Variants in ACTN3 observed in about 807,000 individuals in gnomAD.
ACTN3 encodes the protein actinin alpha 3, also known as alpha-actinin-3.
In ACTN3, 91 loss-of-function variants were observed where a neutral mutation model predicts 119.6. The ratio of observed to expected loss-of-function variants is 0.76; its 90% CI spans 0.64 to 0.91. The LOEUF (loss-of-function observed/expected upper bound fraction) is 0.91, where lower values mean the gene tolerates loss of function less well. Ranked by LOEUF, ACTN3 falls within the 40% of genes least tolerant of loss-of-function variation. The probability of loss-of-function intolerance (pLI) is 0.00; values close to 1 mark genes in which losing one functional copy is unlikely to be tolerated. For missense variants in ACTN3, 1,221 were observed against 1,215.1 expected, an observed-to-expected ratio of 1.00 and a Z score of -0.07; for synonymous variants, 456 against 478.8, an observed-to-expected ratio of 0.95 and a Z score of 0.62.
chr11:66,546,836 T>TA, upstream of ACTN3: 1 of 1,516,826 alleles, frequency 6.6e-7, no homozygotes, highest in Non-Finnish European at 8.8e-7. Flanking sequence ...TCCTCCCCCA[T>TA]ATTTAGTGCG....
chr11:66,556,069 C>T, intron 7 of ACTN3, 76 bp from the exon 8 acceptor site: 1 of 1,382,792 alleles, frequency 7.2e-7, no homozygotes, highest in East Asian at 2.4e-5. Flanking sequence ...TTCCAGCCCT[C>T]CCACCCAGAG....
chr11:66,552,878 T>TCA (rs1274418711), intron 3 of ACTN3, among the ~76,000 whole-genome samples: 7 of 71,980 alleles, frequency 9.7e-5, no homozygotes, highest in Non-Finnish European at 1.7e-4. Flanking sequence ...TCTCTCTCTC[T>TCA]CTCACACACA....
chr11:66,560,117 G>GC, intron 13 of ACTN3, 41 bp downstream of exon 13: 1 of 1,524,932 alleles, frequency 6.6e-7, no homozygotes, highest in Non-Finnish European at 8.9e-7. Context: ...GGGTAGGTGG[G>GC]TGAGGCCAGG....
At chr11:66,559,164 G>A (rs142228234) in intron 11 of ACTN3, 72 bp from the exon 12 acceptor site, 16 of 1,398,302 alleles carry the variant, frequency 1.1e-5, no homozygotes, top group Non-Finnish European at 1.5e-5. Flanking sequence ...GAGGCTTCAT[G>A]GTCACGCAGC....
Position 66,562,142 on chromosome 11 carries a change from C to T in ACTN3, c.2296C>T (p.Arg766Ter), listed in dbSNP as rs751068262. The T allele has an allele frequency of 1.1e-5, 17 of 1,614,012 alleles. No individual in the cohort carries two copies. The highest frequency in any genetic ancestry group is 1.4e-5 in the Non-Finnish European group (16 of 1,179,954). ...GAGCCAGGAGCAGCTCAACGAGTTC[C>T]GAGCATCCTTCAACCACTTTGACAG... ...GLSQEQLNEFRASFNHFDRKQ... is the reference protein window; with the variant it reads ...GLSQEQLNEF Residue 766 changes from arginine (R) to a stop codon, truncating the protein, a stop_gained, in exon 18 of 21, where the codon CGA becomes TGA. Coordinates refer to ENST00000513398, the MANE Select transcript of ACTN3 (RefSeq NM_001104.4). LOFTEE classifies it high-confidence loss of function.
intron 11 of ACTN3, among the ~76,000 whole-genome samples, chr11:66,558,602 G>A (rs1857657745): frequency 6.6e-6 from 1 of 151,932 alleles, no homozygotes; most frequent in South Asian, 2.1e-4. Flanking sequence ...TCCTGGACTC[G>A]AGTGATCCAC....
chr11:66,562,875 A>C lies in ACTN3; in HGVS notation c.2468A>C (p.Asp823Ala), dbSNP rs1285706604. 6.2e-7 allele frequency: 1 copy of C among 1,613,594 alleles called. No individual in the cohort carries two copies. The highest frequency in any genetic ancestry group is 1.3e-5 in the African/African-American group (1 of 74,844). ...AGVVTFQAFI[D>A]FMTRETAETD... ...GTGGTGACCTTCCAGGCCTTCATAG[A>C]CTTCATGACCCGAGAGACAGCCGAG... The change falls in exon 20 of 21, where the codon GAC becomes GCC. Residue 823 changes from aspartate (D) to alanine (A), a missense_variant. This residue lies in a region of ACTN3 where 934 missense variants were observed against 899.9 expected (regional missense o/e 1.04). Coordinates refer to ENST00000513398, the MANE Select transcript of ACTN3 (RefSeq NM_001104.4).
upstream of ACTN3, chr11:66,546,672 G>A (rs1857348315): frequency 1.3e-6 from 2 of 1,532,946 alleles, no homozygotes; most frequent in Non-Finnish European, 8.7e-7. Context: ...ATTTCTCAAG[G>A]TCACACAGCG....
At position 66,561,348 on chromosome 11, in the gene ACTN3, A is replaced by G; in HGVS notation, c.1982A>G (p.Gln661Arg). ...GCCAATGCCATTGGACCCTGGATCCAGGCGAAGGTGGAGGTAAGGGCTGGG... is the reference window on the plus strand; with the variant it reads ...GCCAATGCCATTGGACCCTGGATCCGGGCGAAGGTGGAGGTAAGGGCTGGG... ...AQANAIGPWIQAKVEEVGRLA... is the reference protein window; with the variant it reads ...AQANAIGPWIRAKVEEVGRLA... The change falls in exon 16 of 21, where the codon CAG becomes CGG. Residue 661 changes from glutamine (Q) to arginine (R), a missense_variant. Physicochemically the swap from Gln to Arg is conservative, Grantham distance 43 (BLOSUM62 1). This residue lies in a region of ACTN3 where 934 missense variants were observed against 899.9 expected (regional missense o/e 1.04). Transcript: ENST00000513398. 6.2e-7 allele frequency: 1 copy of G among 1,611,068 alleles called. No individual in the cohort carries two copies. The highest frequency in any genetic ancestry group is 1.1e-5 in the South Asian group (1 of 90,580).
chr11:66,554,760 A>C (rs1857554903), intron 5 of ACTN3, 137 bp downstream of exon 5: 1 of 721,066 alleles, frequency 1.4e-6, no homozygotes, highest in Admixed American at 2.9e-5. Flanking sequence ...CAGTTCCTGG[A>C]ACAGTGTCTG....
Position 66,560,860 on chromosome 11 carries a change from T to G in ACTN3, c.1860+105T>G, listed in dbSNP as rs1024892583. On this transcript the variant is annotated intron_variant, in intron 15 of 20. Transcript: ENST00000513398. ...GGAGAATAAAGTCCATCTTCAGATG[T>G]GGGGTCTGCCACAGACTCCACGTGG... 55 of 1,300,568 alleles carry G rather than the reference T, an allele frequency of 4.2e-5. 1 individual carries two copies. The highest frequency in any genetic ancestry group is 5.4e-5 in the Non-Finnish European group (51 of 936,182). The allele number at this position is 1,300,568 out of a possible 1,614,324, so 80.6% of individuals were successfully genotyped here.
chr11:66,562,522 T>C (rs753558457), intron 19 of ACTN3, among the ~76,000 whole-genome samples, 200 bp downstream of exon 19: 2 of 152,070 alleles, frequency 1.3e-5, no homozygotes, highest in Non-Finnish European at 2.9e-5. Flanking sequence ...TTGCAACATT[T>C]TTACCTGTAG....
At chr11:66,555,487 T>G (rs970785795) in intron 7 of ACTN3, 120 bp downstream of exon 7, 10 of 964,856 alleles carry the variant, frequency 1.0e-5, no homozygotes, top group Non-Finnish European at 1.4e-5. Flanking sequence ...CCCACCCCAC[T>G]CCCTGGTCAC....
chr11:66,563,231 G>C lies in ACTN3; in HGVS notation c.*38G>C, dbSNP rs1401768677. 2 of 1,561,822 alleles carry C rather than the reference G, an allele frequency of 1.3e-6. No individual in the cohort carries two copies. The highest frequency in any genetic ancestry group is 1.7e-6 in the Non-Finnish European group (2 of 1,150,842). On this transcript the variant is annotated 3_prime_UTR_variant, in exon 21 of 21. Transcript: ENST00000513398. ...AGGTTCTCTATGCAAGATGGAGAGAGGATGCACCCTGTGGCTGATCCCATC... is the reference window on the plus strand; with the variant it reads ...AGGTTCTCTATGCAAGATGGAGAGACGATGCACCCTGTGGCTGATCCCATC...
Position 66,560,253 on chromosome 11 carries a change from A to C in ACTN3, c.1619A>C (p.Asp540Ala), listed in dbSNP as rs1369041504. ...RRAAPFNNWL[D>A]GAVEDLQDVW... is the part of the protein sequence containing the mutation. ...GCCGCGCCCTTCAACAACTGGCTGG[A>C]TGGTGCCGTGGAGGACCTGCAGGAC... Residue 540 changes from aspartate to alanine, a missense_variant, in exon 14 of 21, where the codon GAT becomes GCT. Transcript: ENST00000513398. The C allele has an allele frequency of 1.9e-6, 3 of 1,613,264 alleles. No homozygotes were observed. Among genetic ancestry groups the C allele is most frequent in the South Asian group, 1.1e-5 (1 of 90,826 alleles).
intron 6 of ACTN3, 37 bp from the exon 7 acceptor site, chr11:66,555,249 A>G (rs753035233): frequency 6.2e-7 from 1 of 1,613,924 alleles, no homozygotes; most frequent in Non-Finnish European, 8.5e-7. Context: ...CTCTGCCTGC[A>G]GCTGACCTTT....
Position 66,555,385 on chromosome 11 carries a change from C to T in ACTN3, c.718+18C>T. The T allele has an allele frequency of 6.2e-7, 1 of 1,612,644 alleles. No homozygotes were observed. Among genetic ancestry groups the T allele is most frequent in the African/African-American group, 1.3e-5 (1 of 74,986 alleles). ...TGCAGAAGGTGAGAGTGAGCTAGCC[C>T]AGGGGAAGACCCCACATTCTCCACA... On this transcript the variant is annotated intron_variant, in intron 7 of 20. Coordinates refer to ENST00000513398, the MANE Select transcript of ACTN3 (RefSeq NM_001104.4).
intron 8 of ACTN3, 126 bp from the exon 9 acceptor site, chr11:66,557,007 C>T (rs188190059): frequency 1.4e-4 from 97 of 712,464 alleles, no homozygotes; most frequent in Middle Eastern, 7.7e-4. Context: ...GTGATCCGCC[C>T]GCCTCGGCCT....
chr11:66,558,095 GAT>G lies in ACTN3; in HGVS notation c.1198_1199del (p.Ile400ProfsTer11), dbSNP rs1464205583. ...KGYEDWLLSE[I>X]RRLQRLQHLA... Reference sequence around the variant, plus strand: ...GCTATGAGGACTGGCTGCTCTCGGAGATCCGGCGCCTGCAGCGACTCCAGCAC... The same window carrying G: ...GCTATGAGGACTGGCTGCTCTCGGAGCCGGCGCCTGCAGCGACTCCAGCAC... On this transcript the variant is annotated frameshift_variant, in exon 11 of 21. Transcript: ENST00000513398. LOFTEE classifies it high-confidence loss of function. 2 of 1,613,730 alleles carry G rather than the reference GAT, an allele frequency of 1.2e-6. No individual in the cohort carries two copies. Among genetic ancestry groups the G allele is most frequent in the African/African-American group, 2.7e-5 (2 of 74,948 alleles).
Sources: gnomAD v4.1 joint callset for allele counts (sites outside exome capture counted in the v4.1 genomes callset) on GRCh38, gnomAD v4.1.1 for gene constraint, gnomAD v4.1.1 regional missense constraint, MANE v1.5 for transcripts, NCBI Gene and HGNC (gene_info 2026-07-23, HGNC 2026-07-21) for gene names.